The following ST7 variants were observed in gnomAD, a reference collection of about 807,000 sequenced individuals.
ST7 encodes the protein suppressor of tumorigenicity 7 protein.
A neutral mutation model predicts 78.7 loss-of-function variants in ST7; 28 were observed. That is an observed-to-expected ratio of 0.36 (90% CI 0.26 to 0.49). The LOEUF (loss-of-function observed/expected upper bound fraction) is 0.49. ST7 is among the 20% of genes least tolerant of loss of function. ST7 has a pLI of 0.99. For missense variants in ST7, 418 were observed against 696.0 expected (o/e 0.60, Z 4.49); for synonymous variants, 247 against 249.6 (o/e 0.99, Z 0.10).
chr7:116,973,371 T>TC (rs1366253072), intron 1 of ST7, among the ~76,000 whole-genome samples: 5 of 152,086 alleles, frequency 3.3e-5, no homozygotes, highest in Non-Finnish European at 5.9e-5. Context: ...AATCCTTCCA[T>TC]CTCAGCCTCC....
At chr7:117,064,598 A>G (rs1244914928) in intron 1 of ST7, among the ~76,000 whole-genome samples, 1 of 152,222 alleles carries the variant, frequency 6.6e-6, no homozygotes, top group East Asian at 1.9e-4. Flanking sequence ...TGTAATACAG[A>G]TAATTTTGTC....
At chr7:117,173,673 C>T (rs1362707700) in intron 10 of ST7, 3 of 152,310 alleles carry the variant, frequency 2.0e-5, no homozygotes, top group Middle Eastern at 6.8e-3. Context: ...CACTTAGAAT[C>T]CCAGCCCCTT....
At chr7:116,965,776 C>G (rs1377833472) in intron 1 of ST7, 1 of 157,124 alleles carries the variant, frequency 6.4e-6, no homozygotes, top group Non-Finnish European at 1.5e-5. Flanking sequence ...AAAGATAAGA[C>G]AAACAACACG....
At chr7:117,208,948 G>A (rs1792052007) in intron 12 of ST7, among the ~76,000 whole-genome samples, 2 of 145,548 alleles carry the variant, frequency 1.4e-5, no homozygotes, top group African/African-American at 2.6e-5. Flanking sequence ...TGTGTGTCAG[G>A]GATGGATCCA....
intron 6 of ST7, among the ~76,000 whole-genome samples, chr7:117,132,934 T>G (rs968862718): frequency 6.6e-5 from 10 of 151,930 alleles, no homozygotes; most frequent in African/African-American, 2.2e-4. Context: ...TATTGTTCAC[T>G]CAATTACTAA....
At position 116,978,294 on chromosome 7, in the gene ST7, C is replaced by T. The variant is rs553683631; in HGVS notation, c.151+24603C>T. 1.9e-4 allele frequency among the ~76,000 whole-genome samples: 29 copies of T among 152,302 alleles called. 1 individual carries two copies. Among genetic ancestry groups the T allele is most frequent in the African/African-American group, 5.3e-4 (22 of 41,570 alleles). On this transcript the variant is annotated intron_variant, in intron 1 of 15. Coordinates refer to ENST00000323984, the MANE Select transcript of ST7 (RefSeq NM_001369598.1). ...AGGTGTGAAGTTTTCTGATATCCCC[C>T]GATTTCCTTTTCCCAGGAGGCACCA...
chr7:116,979,274 A>T (rs1355611847), intron 1 of ST7, among the ~76,000 whole-genome samples: 1 of 152,238 alleles, frequency 6.6e-6, no homozygotes, highest in Non-Finnish European at 1.5e-5. Flanking sequence ...CTAGCAGAAG[A>T]CATTTTCTCT....
At chr7:117,096,067 CAAAAAAAAAAAA>C (rs35970973) in intron 1 of ST7, among the ~76,000 whole-genome samples, 1,201 of 35,778 alleles carry the variant, frequency 0.034, 36 homozygotes, top group African/African-American at 0.11. Context: ...GATTCTGCCT[CAAAAAAAAAAAA>C]AAAAAAAAAA....
chr7:117,138,176 T>C (rs929968795), intron 8 of ST7, among the ~76,000 whole-genome samples: 1 of 152,162 alleles, frequency 6.6e-6, no homozygotes, highest in African/African-American at 2.4e-5. Flanking sequence ...ACACTGTGGG[T>C]ATGTTCATTT....
intron 1 of ST7, among the ~76,000 whole-genome samples, chr7:117,077,204 C>T (rs1228147814): frequency 6.6e-6 from 1 of 152,090 alleles, no homozygotes; most frequent in African/African-American, 2.4e-5. Flanking sequence ...CTGCCTGAGT[C>T]TAGGGTTTTT....
Position 117,161,292 on chromosome 7 carries a change from G to A in ST7, c.964-9570G>A, listed in dbSNP as rs1807120942. Among the ~76,000 whole-genome samples the A allele has an allele frequency of 2.6e-5, 4 of 151,930 alleles. 1 individual carries two copies. The South Asian group carries it at 8.3e-4, about 31-fold the overall frequency. ...ATGTCACAAACACCCTATTTTTGAG[G>A]AAGAAACTTTTAAAATATAAAAATG... On this transcript the variant is annotated intron_variant, in intron 9 of 15. Coordinates refer to ENST00000323984, the MANE Select transcript of ST7 (RefSeq NM_001369598.1).
chr7:117,008,015 T>C (rs1030179772), intron 1 of ST7, among the ~76,000 whole-genome samples: 1 of 152,206 alleles, frequency 6.6e-6, no homozygotes, highest in Non-Finnish European at 1.5e-5. Context: ...GTAGCAGTTG[T>C]CTTGATTAGA....
At chr7:116,967,874 A>ATATC (rs1793207869) in intron 1 of ST7, among the ~76,000 whole-genome samples, 2 of 152,208 alleles carry the variant, frequency 1.3e-5, no homozygotes, top group Admixed American at 1.3e-4. Flanking sequence ...CTAGACTGAT[A>ATATC]GTTCTTTTTA....
intron 9 of ST7, among the ~76,000 whole-genome samples, chr7:117,153,234 G>A (rs1806429952): frequency 6.6e-6 from 1 of 152,154 alleles, no homozygotes; most frequent in Non-Finnish European, 1.5e-5. Flanking sequence ...TAAGTAGCTG[G>A]TTTATGGATG....
intron 15 of ST7, chr7:117,223,258 G>A (rs1793228150): frequency 2.3e-6 from 1 of 431,956 alleles, no homozygotes; most frequent in Admixed American, 3.8e-5. Context: ...CTGAACTCCT[G>A]CCATAGTCTT....
intron 1 of ST7, among the ~76,000 whole-genome samples, chr7:117,055,540 G>C (rs901215922): frequency 3.9e-5 from 6 of 152,156 alleles, no homozygotes; most frequent in Admixed American, 3.9e-4. Context: ...ATCCTAGATT[G>C]TACAACTTCT....
At chr7:117,175,452 C>T (rs971432374) in intron 10 of ST7, among the ~76,000 whole-genome samples, 10 of 152,042 alleles carry the variant, frequency 6.6e-5, no homozygotes, top group East Asian at 1.9e-4. Flanking sequence ...GTACAGCAAG[C>T]GAACACAGGT....
rs909659554 is a variant in ST7 at position 117,170,226 on chromosome 7, G to A, written c.964-636G>A. Among the ~76,000 whole-genome samples, 5 of 151,924 alleles carry A rather than the reference G, an allele frequency of 3.3e-5. No individual in the cohort carries two copies. In the South Asian group the frequency reaches 6.2e-4, roughly 19 times the overall value. The stretch of plus-strand genomic sequence containing the variant: ...TTCTCCATGGCATTTTATCTTTCTT[G>A]AGCATTTTCTTCAACTTTTATGAAA... On this transcript the variant is annotated intron_variant, in intron 9 of 15. Coordinates refer to ENST00000323984, the MANE Select transcript of ST7 (RefSeq NM_001369598.1).
chr7:116,975,671 G>T (rs1234169221), intron 1 of ST7, among the ~76,000 whole-genome samples: 1 of 150,576 alleles, frequency 6.6e-6, no homozygotes, highest in African/African-American at 2.4e-5. Flanking sequence ...GCCTCCTAAA[G>T]TGCTGGAATT....
Sources: gnomAD v4.1 joint callset for allele counts (sites outside exome capture counted in the v4.1 genomes callset) on GRCh38, gnomAD v4.1.1 for gene constraint, MANE v1.5 for transcripts, NCBI Gene and HGNC (gene_info 2026-07-23, HGNC 2026-07-21) for gene names.